The following CUL3 variants were observed in gnomAD, a reference collection of about 807,000 sequenced individuals.
The protein encoded by CUL3 is cullin-3.
In CUL3, 19 loss-of-function variants were observed where a neutral mutation model predicts 89.1. That is an observed-to-expected ratio of 0.21 (90% confidence interval 0.15 to 0.31). CUL3 has a LOEUF of 0.31. Among genes scored for constraint, CUL3 ranks in the 10% least tolerant of loss-of-function variants. The pLI is 1.00. For synonymous variants in CUL3, 351 were observed against 308.4 expected (o/e 1.14, Z -1.45); for missense variants, 469 against 942.3 (o/e 0.50, Z 6.58).
intron 1 of CUL3, among the ~76,000 whole-genome samples, chr2:224,559,479 G>A (rs1011102688): frequency 2.7e-5 from 4 of 149,948 alleles, no homozygotes; most frequent in Non-Finnish European, 5.9e-5. Flanking sequence ...AAAAATGTCA[G>A]TTTCCTATGT....
chr2:224,529,367 C>T (rs931435462), intron 3 of CUL3, among the ~76,000 whole-genome samples: 1 of 151,290 alleles, frequency 6.6e-6, no homozygotes, highest in African/African-American at 2.4e-5. Flanking sequence ...CCTGTAATCC[C>T]AGTACTTTGG....
intron 4 of CUL3, 57 bp downstream of exon 4, chr2:224,514,555 G>C (rs572501195): frequency 2.2e-6 from 3 of 1,388,710 alleles, no homozygotes; most frequent in South Asian, 1.3e-5. Flanking sequence ...ACAGTGAATC[G>C]TTCTCAAGAT....
chr2:224,549,112 T>A (rs981944511), intron 2 of CUL3, among the ~76,000 whole-genome samples: 69 of 151,240 alleles, frequency 4.6e-4, no homozygotes, highest in African/African-American at 1.6e-3. Context: ...CTACTAGGAG[T>A]TCAAAACCAG....
intron 3 of CUL3, among the ~76,000 whole-genome samples, chr2:224,524,676 C>T (rs539560938): frequency 6.6e-6 from 1 of 151,874 alleles, no homozygotes; most frequent in Non-Finnish European, 1.5e-5. Flanking sequence ...TACCTGCCTG[C>T]CGGAACAAAA....
chr2:224,550,269 C>T (rs1336472111), intron 2 of CUL3, among the ~76,000 whole-genome samples: 1 of 152,172 alleles, frequency 6.6e-6, no homozygotes, highest in Admixed American at 6.5e-5. Context: ...ACCTTATACA[C>T]ATAGCCTGAG....
At chr2:224,489,713 G>C (rs1691881926) in intron 13 of CUL3, among the ~76,000 whole-genome samples, 1 of 151,978 alleles carries the variant, frequency 6.6e-6, no homozygotes, top group Admixed American at 6.6e-5. Flanking sequence ...TTCACAGAAA[G>C]AGAAAAAACT....
In CUL3 at chr2:224,471,092, C is replaced by G. The variant is rs1419483401; in HGVS notation, c.*3153G>C. ...TAAATGTTAACATTTCTAATTATTT[C>G]TGCTTTGAGGACTAGAAATGACTTC... On this transcript the variant is annotated 3_prime_UTR_variant, in exon 16 of 16. Coordinates refer to ENST00000264414, the MANE Select transcript of CUL3 (RefSeq NM_003590.5). 4 of 222,640 alleles carry G rather than the reference C, an allele frequency of 1.8e-5. No individual in the cohort carries two copies. The highest frequency in any genetic ancestry group is 3.6e-5 in the Non-Finnish European group (4 of 111,624). 13.8% of individuals were successfully genotyped at this position (222,640 alleles called of 1,614,324 possible).
chr2:224,542,505 GTGTGTGTGTA>G (rs1264022532), intron 2 of CUL3, among the ~76,000 whole-genome samples: 3 of 150,718 alleles, frequency 2.0e-5, no homozygotes, highest in Admixed American at 1.3e-4. Flanking sequence ...TTGTGTGTGT[GTGTGTGTGTA>G]TGTGTGTGTG....
chr2:224,565,583 A>G (rs1559232793), intron 1 of CUL3, among the ~76,000 whole-genome samples: 2 of 152,208 alleles, frequency 1.3e-5, no homozygotes. Context: ...AAAACAGTCC[A>G]TGTCGTAAAA....
chr2:224,569,148 A>G (rs1695118658), intron 1 of CUL3, among the ~76,000 whole-genome samples: 2 of 152,220 alleles, frequency 1.3e-5, no homozygotes, highest in Non-Finnish European at 2.9e-5. Flanking sequence ...AAATTACTTG[A>G]GCAGGGCTTT....
At chr2:224,571,492 GA>G (rs1216024606) in intron 1 of CUL3, among the ~76,000 whole-genome samples, 1 of 151,980 alleles carries the variant, frequency 6.6e-6, no homozygotes, top group Non-Finnish European at 1.5e-5. Context: ...AAAGGGAAAG[GA>G]AAAAAACATA....
chr2:224,495,987 T>C (rs377211996), intron 12 of CUL3, 21 bp from the exon 13 acceptor site: 3 of 1,608,538 alleles, frequency 1.9e-6, no homozygotes, highest in African/African-American at 2.7e-5. Context: ...TTTAAAAAAA[T>C]ATAAACAAAG....
intron 2 of CUL3, among the ~76,000 whole-genome samples, chr2:224,550,544 C>G (rs1027676605): frequency 1.3e-5 from 2 of 152,282 alleles, no homozygotes; most frequent in Non-Finnish European, 2.9e-5. Flanking sequence ...TTACAGGTAT[C>G]TTAAAACTAA....
intron 6 of CUL3, among the ~76,000 whole-genome samples, chr2:224,510,337 AGG>A (rs1692775839): frequency 2.7e-5 from 4 of 146,832 alleles, no homozygotes; most frequent in African/African-American, 7.6e-5. Flanking sequence ...ATAACTTTTC[AGG>A]GATTTCTCAT....
At chr2:224,491,987 C>T (rs1303708221) in intron 13 of CUL3, among the ~76,000 whole-genome samples, 1 of 152,156 alleles carries the variant, frequency 6.6e-6, no homozygotes, top group Non-Finnish European at 1.5e-5. Flanking sequence ...TTTCAATACA[C>T]TACTGAATAT....
chr2:224,500,370 A>G lies in CUL3; in HGVS notation c.1603T>C (p.Phe535Leu). Residue 535 changes from phenylalanine (F) to leucine (L), a missense_variant, in exon 11 of 16, where the codon TTC becomes CTC. By Grantham distance (22) the Phe-to-Leu change is conservative. This residue lies in a region of CUL3 where 370 missense variants were observed against 733.2 expected (regional missense o/e 0.50). Coordinates refer to ENST00000264414, the MANE Select transcript of CUL3 (RefSeq NM_003590.5). Reference sequence around the variant, plus strand: ...AGTCTGATTTTGATTTACCTTCTGAATATCTCAAAAGCATGTCTTGGTGCT... The same window carrying G: ...AGTCTGATTTTGATTTACCTTCTGAGTATCTCAAAAGCATGTCTTGGTGCT... ...PPAPRHAFEI[F>L]RRFYLAKHSG... 2 of 1,614,052 alleles carry G rather than the reference A, an allele frequency of 1.2e-6. No homozygotes were observed. Among genetic ancestry groups the G allele is most frequent in the Non-Finnish European group, 1.7e-6 (2 of 1,179,966 alleles).
chr2:224,520,498 C>T (rs1010491896), intron 3 of CUL3, among the ~76,000 whole-genome samples: 1 of 152,210 alleles, frequency 6.6e-6, no homozygotes, highest in Non-Finnish European at 1.5e-5. Flanking sequence ...CACTTCTAGT[C>T]CTGAAAATAA....
chr2:224,549,186 A>G (rs748339581), intron 2 of CUL3, among the ~76,000 whole-genome samples: 2 of 151,968 alleles, frequency 1.3e-5, no homozygotes, highest in Non-Finnish European at 2.9e-5. Flanking sequence ...GCATGGTGGC[A>G]CACGCCTGTA....
intron 1 of CUL3, among the ~76,000 whole-genome samples, chr2:224,564,704 C>A (rs1389218250): frequency 6.6e-6 from 1 of 152,012 alleles, no homozygotes; most frequent in African/African-American, 2.4e-5. Context: ...ACATTAGTGG[C>A]TCCCAAATCT....
Sources: gnomAD v4.1 joint callset for allele counts (sites outside exome capture counted in the v4.1 genomes callset) on GRCh38, gnomAD v4.1.1 for gene constraint, gnomAD v4.1.1 regional missense constraint, MANE v1.5 for transcripts, NCBI Gene and HGNC (gene_info 2026-07-23, HGNC 2026-07-21) for gene names.